Variants in SMG6 observed in about 807,000 individuals in gnomAD.
SMG6 encodes the protein SMG6 nonsense mediated mRNA decay factor.
A neutral mutation model predicts 142.2 loss-of-function variants in SMG6; 66 were observed. The ratio of observed to expected loss-of-function variants is 0.46; its 90% CI spans 0.38 to 0.57. The LOEUF is 0.57. Ranked by LOEUF, SMG6 falls within the 20% of genes least tolerant of loss-of-function variation. SMG6 has a pLI of 0.00. For synonymous variants in SMG6, 779 were observed against 702.4 expected, an observed-to-expected ratio of 1.11 and a Z score of -1.72; for missense variants, 1,793 against 1,832.0, an observed-to-expected ratio of 0.98 and a Z score of 0.39.
At chr17:2,125,839 G>C (rs952758260) in intron 13 of SMG6, among the ~76,000 whole-genome samples, 3 of 151,726 alleles carry the variant, frequency 2.0e-5, no homozygotes, top group Non-Finnish European at 1.5e-5. Flanking sequence ...TGTAATCCCA[G>C]GTACTTGGGA....
At chr17:2,285,445 G>C (rs763208240) in intron 6 of SMG6, among the ~76,000 whole-genome samples, 1 of 152,196 alleles carries the variant, frequency 6.6e-6, no homozygotes, top group Non-Finnish European at 1.5e-5. Context: ...AAAAGCCATT[G>C]AGGGAATTCA....
At chr17:2,178,099 T>C (rs2151666619) in intron 12 of SMG6, among the ~76,000 whole-genome samples, 1 of 152,342 alleles carries the variant, frequency 6.6e-6, no homozygotes. Flanking sequence ...TGAAATGGCT[T>C]AGCATGCCTC....
At chr17:2,130,854 A>G (rs1744231601) in intron 13 of SMG6, among the ~76,000 whole-genome samples, 1 of 152,104 alleles carries the variant, frequency 6.6e-6, no homozygotes, top group Non-Finnish European at 1.5e-5. Flanking sequence ...AAATACAAAA[A>G]TTAGCTGGGC....
chr17:2,120,982 C>CG (rs779042672), intron 13 of SMG6, among the ~76,000 whole-genome samples: 23 of 151,882 alleles, frequency 1.5e-4, no homozygotes, highest in South Asian at 1.2e-3. Flanking sequence ...TAAAAAAAAG[C>CG]GGGGGGCAAA....
chr17:2,188,284 G>C (rs1054806483), intron 11 of SMG6, 115 bp downstream of exon 11: 1 of 808,426 alleles, frequency 1.2e-6, no homozygotes, highest in African/African-American at 1.7e-5. Flanking sequence ...ATGTAGGTAA[G>C]AGGAAGAATG....
intron 13 of SMG6, among the ~76,000 whole-genome samples, chr17:2,150,760 T>C (rs577977156): frequency 2.0e-5 from 3 of 152,304 alleles, no homozygotes; most frequent in African/African-American, 7.2e-5. Flanking sequence ...TAATAAGATA[T>C]GTTTTTAAAA....
At chr17:2,303,094 G>C in intron 1 of SMG6, 1 of 985,462 alleles carries the variant, frequency 1.0e-6, no homozygotes, top group Non-Finnish European at 1.2e-6. Context: ...ACACATGCCA[G>C]GGCCAAACCC....
chr17:2,192,302 G>C (rs1321259546), intron 10 of SMG6, among the ~76,000 whole-genome samples: 1 of 152,230 alleles, frequency 6.6e-6, no homozygotes, highest in Non-Finnish European at 1.5e-5. Flanking sequence ...GAGTTTGGTT[G>C]GTCACAGAAA....
intron 10 of SMG6, among the ~76,000 whole-genome samples, chr17:2,198,443 T>C (rs536670837): frequency 6.6e-6 from 1 of 152,158 alleles, no homozygotes; most frequent in African/African-American, 2.4e-5. Flanking sequence ...TGAAGCTACA[T>C]GTGTGATAAA....
At chr17:2,102,554 T>TA (rs1555535553) in intron 13 of SMG6, among the ~76,000 whole-genome samples, 12,525 of 143,128 alleles carry the variant, frequency 0.088, 820 homozygotes, top group African/African-American at 0.11. Context: ...TTTTTTTTTT[T>TA]AGAGATGAGG....
chr17:2,100,882 G>A (rs2068988577), intron 13 of SMG6, among the ~76,000 whole-genome samples: 1 of 151,586 alleles, frequency 6.6e-6, no homozygotes, highest in Admixed American at 6.6e-5. Context: ...GAACTCCTAG[G>A]CTCAAGAGAT....
chr17:2,298,069 C>T lies in SMG6; in HGVS notation c.1848-14G>A, dbSNP rs2075182817. On this transcript the variant is annotated splice_polypyrimidine_tract_variant and intron_variant, in intron 2 of 18. Transcript: ENST00000263073. The stretch of plus-strand genomic sequence containing the variant: ...AGCAGTTCAGCTCTGGAATAAAATA[C>T]ATGCAACTTCCAGCTCCAAATACAC... 1 of 1,582,086 alleles carries T rather than the reference C, an allele frequency of 6.3e-7. No homozygotes were observed. The highest frequency in any genetic ancestry group is 8.6e-7 in the Non-Finnish European group (1 of 1,168,714).
At chr17:2,210,270 C>T (rs934819988) in intron 10 of SMG6, among the ~76,000 whole-genome samples, 23 of 151,420 alleles carry the variant, frequency 1.5e-4, no homozygotes, top group Non-Finnish European at 2.7e-4. Context: ...GAGGATGAAC[C>T]GTTTTCTTTT....
chr17:2,212,352 G>T (rs908185472), intron 10 of SMG6, among the ~76,000 whole-genome samples: 1 of 152,162 alleles, frequency 6.6e-6, no homozygotes, highest in African/African-American at 2.4e-5. Flanking sequence ...AAGGGGATCT[G>T]GGCAGAGAGA....
At chr17:2,133,432 A>T (rs1287472941) in intron 13 of SMG6, among the ~76,000 whole-genome samples, 1 of 152,190 alleles carries the variant, frequency 6.6e-6, no homozygotes, top group African/African-American at 2.4e-5. Context: ...GGAAAGCGCT[A>T]GACTAAATAT....
chr17:2,134,855 A>C (rs2070241587), intron 13 of SMG6, among the ~76,000 whole-genome samples: 1 of 148,158 alleles, frequency 6.7e-6, no homozygotes. Flanking sequence ...TCATCATCCC[A>C]GACCTTTTTT....
At chr17:2,188,176 G>A (rs527596683) in intron 11 of SMG6, among the ~76,000 whole-genome samples, 1 of 152,198 alleles carries the variant, frequency 6.6e-6, no homozygotes, top group Non-Finnish European at 1.5e-5. Context: ...GGAGAAAAGA[G>A]AGAGGAAAGG....
At chr17:2,103,745 G>A (rs1211349163) in intron 13 of SMG6, among the ~76,000 whole-genome samples, 1 of 152,128 alleles carries the variant, frequency 6.6e-6, no homozygotes, top group Non-Finnish European at 1.5e-5. Flanking sequence ...CACTTGGAGG[G>A]TATAAGCCAA....
chr17:2,231,770 C>T (rs2073503482), intron 10 of SMG6, among the ~76,000 whole-genome samples: 1 of 148,264 alleles, frequency 6.7e-6, no homozygotes, highest in Admixed American at 6.9e-5. Context: ...ACCTTAATCC[C>T]AGCTCCCAAA....
Sources: gnomAD v4.1 joint callset for allele counts (sites outside exome capture counted in the v4.1 genomes callset) on GRCh38, gnomAD v4.1.1 for gene constraint, MANE v1.5 for transcripts, NCBI Gene and HGNC (gene_info 2026-07-23, HGNC 2026-07-21) for gene names.